LRMDA: variants seen among roughly 807,000 people sequenced by gnomAD.
The protein encoded by LRMDA is leucine-rich melanocyte differentiation-associated protein.
In LRMDA, 18 loss-of-function variants were observed where a neutral mutation model predicts 29.8. The observed-to-expected ratio is 0.60, with a 90% CI of 0.42 to 0.90. The LOEUF (loss-of-function observed/expected upper bound fraction) is 0.90, where lower values mean the gene tolerates loss of function less well. Ranked by LOEUF, LRMDA falls within the 40% of genes least tolerant of loss-of-function variation. The pLI is 0.00. For synonymous variants in LRMDA, 125 were observed against 109.4 expected (o/e 1.14, Z -0.89); for missense variants, 273 against 273.9 (o/e 1.00, Z 0.02).
chr10:75,575,830 C>A (rs1840497632), intron 2 of LRMDA, among the ~76,000 whole-genome samples: 1 of 152,100 alleles, frequency 6.6e-6, no homozygotes, highest in South Asian at 2.1e-4. Context: ...CACTCCGGCC[C>A]AGATACTGAG....
At chr10:76,214,153 A>G (rs991755413) in intron 5 of LRMDA, among the ~76,000 whole-genome samples, 2 of 152,088 alleles carry the variant, frequency 1.3e-5, no homozygotes, top group Non-Finnish European at 2.9e-5. Flanking sequence ...AATATAGCAC[A>G]AAAGCTACTG....
At chr10:75,695,019 T>C (rs1355435545) in intron 2 of LRMDA, among the ~76,000 whole-genome samples, 1 of 152,204 alleles carries the variant, frequency 6.6e-6, no homozygotes, top group Non-Finnish European at 1.5e-5. Flanking sequence ...GCCACACCAC[T>C]TGCCTGTTGT....
chr10:75,880,586 T>C (rs1488806016), intron 2 of LRMDA, among the ~76,000 whole-genome samples: 3 of 152,226 alleles, frequency 2.0e-5, no homozygotes, highest in African/African-American at 7.2e-5. Flanking sequence ...ACTCCCTTGA[T>C]ATCTAGGTGA....
chr10:76,470,252 A>T (rs1028749469), intron 6 of LRMDA: 2 of 152,246 alleles, frequency 1.3e-5, no homozygotes, highest in Admixed American at 1.3e-4. Context: ...CCACACGAAT[A>T]AACAAAAAGC....
At chr10:75,984,024 G>T (rs912638889) in intron 2 of LRMDA, among the ~76,000 whole-genome samples, 1 of 152,150 alleles carries the variant, frequency 6.6e-6, no homozygotes, top group African/African-American at 2.4e-5. Context: ...CAGGGAGCCG[G>T]CCAGGCAGCT....
intron 5 of LRMDA, among the ~76,000 whole-genome samples, chr10:76,274,943 G>C (rs1840112774): frequency 6.6e-6 from 1 of 152,016 alleles, no homozygotes; most frequent in South Asian, 2.1e-4. Flanking sequence ...GCTTTCCATA[G>C]TTGTTTAGTG....
At chr10:76,135,039 A>G (rs140138023) in intron 5 of LRMDA, among the ~76,000 whole-genome samples, 437 of 152,358 alleles carry the variant, frequency 2.9e-3, no homozygotes, top group African/African-American at 0.01. Flanking sequence ...GTATTGTTAG[A>G]GGAAAGGTTT....
At chr10:75,490,011 G>C (rs1844965003) in intron 2 of LRMDA, among the ~76,000 whole-genome samples, 1 of 152,172 alleles carries the variant, frequency 6.6e-6, no homozygotes, top group South Asian at 2.1e-4. Context: ...GTAATGGTAA[G>C]TAATAATGAT....
At chr10:75,700,421 T>C (rs559652626) in intron 2 of LRMDA, among the ~76,000 whole-genome samples, 1 of 151,884 alleles carries the variant, frequency 6.6e-6, no homozygotes, top group Non-Finnish European at 1.5e-5. Context: ...ATAAAATCTT[T>C]ATTTCCTTTC....
rs187153808 is a variant in LRMDA at position 76,134,810 on chromosome 10, C to T, written c.516+76027C>T. ...CCAATAAAATTTGATACATTACTTA[C>T]AAATTGCTAAATAATAAATAAGAAT... is the stretch of plus-strand genomic sequence containing the variant. On this transcript the variant is annotated intron_variant, in intron 5 of 6. Transcript: ENST00000611255. Among the ~76,000 whole-genome samples the T allele has an allele frequency of 3.4e-3, 520 of 152,180 alleles. 2 individuals carry two copies. Among genetic ancestry groups the T allele is most frequent in the Non-Finnish European group, 5.5e-3 (377 of 68,024 alleles).
intron 6 of LRMDA, among the ~76,000 whole-genome samples, chr10:76,379,772 C>T (rs1261081313): frequency 2.6e-5 from 4 of 151,962 alleles, no homozygotes; most frequent in East Asian, 1.9e-4. Context: ...TTGGTTTGTT[C>T]TTGTTTTTGT....
At chr10:76,349,353 C>T (rs1841147372) in intron 6 of LRMDA, among the ~76,000 whole-genome samples, 1 of 152,088 alleles carries the variant, frequency 6.6e-6, no homozygotes, top group Admixed American at 6.6e-5. Context: ...TTTAGAAAAA[C>T]AGGCAGTGGG....
chr10:75,920,853 G>A (rs890038908), intron 2 of LRMDA, among the ~76,000 whole-genome samples: 8 of 152,154 alleles, frequency 5.3e-5, no homozygotes, highest in Non-Finnish European at 1.0e-4. Flanking sequence ...ATAGCTTCGC[G>A]CAGTTGCAGG....
intron 5 of LRMDA, among the ~76,000 whole-genome samples, chr10:76,088,868 A>G (rs972285194): frequency 2.6e-5 from 4 of 152,096 alleles, no homozygotes; most frequent in African/African-American, 7.2e-5. Flanking sequence ...TTGTGATTCT[A>G]TTGATTCTGT....
At chr10:75,783,686 A>G (rs1843423377) in intron 2 of LRMDA, among the ~76,000 whole-genome samples, 1 of 152,144 alleles carries the variant, frequency 6.6e-6, no homozygotes, top group South Asian at 2.1e-4. Flanking sequence ...GTCTCTAAAA[A>G]TGGGATTTCA....
At chr10:76,218,727 C>A (rs1851773523) in intron 5 of LRMDA, among the ~76,000 whole-genome samples, 1 of 152,152 alleles carries the variant, frequency 6.6e-6, no homozygotes, top group Non-Finnish European at 1.5e-5. Flanking sequence ...GATCAAATCA[C>A]CATTTTTACT....
intron 6 of LRMDA, among the ~76,000 whole-genome samples, chr10:76,481,825 C>T (rs967749247): frequency 1.3e-5 from 2 of 151,906 alleles, no homozygotes; most frequent in East Asian, 3.9e-4. Flanking sequence ...ATCAGCCATC[C>T]TTACTTCTTA....
intron 5 of LRMDA, among the ~76,000 whole-genome samples, chr10:76,115,051 A>G (rs1849645457): frequency 6.6e-6 from 1 of 152,198 alleles, no homozygotes; most frequent in African/African-American, 2.4e-5. Flanking sequence ...GCTGGAAGTT[A>G]TTATTTCAAT....
chr10:76,329,210 T>C (rs1293088691), intron 6 of LRMDA, among the ~76,000 whole-genome samples: 1 of 152,214 alleles, frequency 6.6e-6, no homozygotes, highest in African/African-American at 2.4e-5. Context: ...CCGATGTAGT[T>C]TTCAGTTCTC....
Sources: gnomAD v4.1 joint callset for allele counts (sites outside exome capture counted in the v4.1 genomes callset) on GRCh38, gnomAD v4.1.1 for gene constraint, MANE v1.5 for transcripts, NCBI Gene and HGNC (gene_info 2026-07-23, HGNC 2026-07-21) for gene names.